The following EVL variants were observed in gnomAD, a reference collection of about 807,000 sequenced individuals.
The protein encoded by EVL is Enah/Vasp-like, also known as ena/VASP-like protein.
Under a neutral mutation model 59.6 loss-of-function variants are expected in EVL, and 21 were observed. The ratio of observed to expected loss-of-function variants is 0.35; its 90% CI spans 0.25 to 0.51. The LOEUF (loss-of-function observed/expected upper bound fraction) is 0.51, where lower values mean the gene tolerates loss of function less well. Ranked by LOEUF, EVL falls within the 20% of genes least tolerant of loss-of-function variation. The pLI is 0.97. For synonymous variants in EVL, 198 were observed against 203.5 expected, an observed-to-expected ratio of 0.97 and a Z score of 0.23; for missense variants, 462 against 546.6, an observed-to-expected ratio of 0.85 and a Z score of 1.54.
chr14:100,077,758 G>A (rs552777889), intron 1 of EVL, among the ~76,000 whole-genome samples: 2 of 152,242 alleles, frequency 1.3e-5, no homozygotes, highest in South Asian at 2.1e-4. Flanking sequence ...CTCTTACAGT[G>A]CATACAGTTT....
intron 2 of EVL, among the ~76,000 whole-genome samples, chr14:100,091,312 T>C (rs2062559331): frequency 6.6e-6 from 1 of 152,200 alleles, no homozygotes. Context: ...TCAGAATGGG[T>C]TCCGCCCCAT....
At chr14:100,051,594 G>A (rs2061648512) in intron 1 of EVL, among the ~76,000 whole-genome samples, 1 of 152,148 alleles carries the variant, frequency 6.6e-6, no homozygotes, top group Non-Finnish European at 1.5e-5. Context: ...GCTATCTTGT[G>A]TGGACTGCGT....
chr14:100,007,819 G>A (rs1214396348), intron 1 of EVL, among the ~76,000 whole-genome samples: 2 of 151,576 alleles, frequency 1.3e-5, no homozygotes, highest in Admixed American at 6.6e-5. Context: ...GACAGAGAGA[G>A]AAAGAGAAAG....
intron 2 of EVL, among the ~76,000 whole-genome samples, chr14:100,095,935 C>T (rs906200785): frequency 2.0e-5 from 3 of 152,126 alleles, no homozygotes; most frequent in Non-Finnish European, 2.9e-5. Flanking sequence ...GCCATATTGG[C>T]CAGGCTGATC....
chr14:99,996,335 A>G (rs1422739302), intron 1 of EVL, among the ~76,000 whole-genome samples: 3 of 152,042 alleles, frequency 2.0e-5, no homozygotes, highest in Non-Finnish European at 4.4e-5. Context: ...ATTCATCTCC[A>G]TAGGGGAAGG....
intron 1 of EVL, among the ~76,000 whole-genome samples, chr14:100,046,964 A>C (rs1041369217): frequency 1.3e-5 from 2 of 151,374 alleles, no homozygotes; most frequent in Non-Finnish European, 3.0e-5. Context: ...CATGTTAGCC[A>C]GGATGGTCTT....
intron 1 of EVL, among the ~76,000 whole-genome samples, chr14:100,002,597 A>C (rs916601959): frequency 1.3e-5 from 2 of 152,234 alleles, no homozygotes; most frequent in African/African-American, 4.8e-5. Context: ...TATAATTTTT[A>C]AACCAAATAA....
chr14:100,049,642 GATATA>G (rs773228110), intron 1 of EVL, among the ~76,000 whole-genome samples: 10 of 152,118 alleles, frequency 6.6e-5, no homozygotes, highest in Non-Finnish European at 1.5e-4. Flanking sequence ...TCTTTATTGA[GATATA>G]ATATACATAC....
At chr14:100,003,160 A>G (rs59754977) in intron 1 of EVL, among the ~76,000 whole-genome samples, 14,181 of 152,150 alleles carry the variant, frequency 0.093, 767 homozygotes, top group African/African-American at 0.14. Context: ...CTCTTCCACT[A>G]TAGTCCCTGG....
intron 2 of EVL, among the ~76,000 whole-genome samples, chr14:100,090,641 T>C (rs904192275): frequency 2.6e-5 from 4 of 152,234 alleles, no homozygotes; most frequent in Non-Finnish European, 5.9e-5. Flanking sequence ...GCAAGATTGA[T>C]TTAATGGAAT....
intron 1 of EVL, among the ~76,000 whole-genome samples, chr14:100,058,419 G>C (rs969985042): frequency 2.0e-5 from 3 of 152,158 alleles, no homozygotes; most frequent in Non-Finnish European, 4.4e-5. Flanking sequence ...TTATTCATAT[G>C]ATCACCACTT....
chr14:100,114,226 A>G lies in EVL; in HGVS notation c.359-9313A>G, dbSNP rs1339941214. Among the ~76,000 whole-genome samples, 1 of 152,090 alleles carries G rather than the reference A, an allele frequency of 6.6e-6. No individual in the cohort carries two copies. Among genetic ancestry groups the G allele is most frequent in the African/African-American group, 2.4e-5 (1 of 41,422 alleles). On this transcript the variant is annotated intron_variant, in intron 3 of 13. Transcript: ENST00000392920. The surrounding 1 kb of genome is among the most constrained non-coding windows in gnomAD (Gnocchi z 5.0). Reference sequence around the variant, plus strand: ...GAGCGGGTGCCAACTTGGTTTTCCCATACCAAAGTTTGGGGTGGTGCCAAA... The same window carrying G: ...GAGCGGGTGCCAACTTGGTTTTCCCGTACCAAAGTTTGGGGTGGTGCCAAA...
intron 1 of EVL, among the ~76,000 whole-genome samples, chr14:100,075,887 C>T (rs555051444): frequency 6.6e-6 from 1 of 152,288 alleles, no homozygotes; most frequent in East Asian, 1.9e-4. Context: ...ATAACTCCTC[C>T]TACAAAGCCT....
At chr14:100,112,720 G>A (rs1186689419) in intron 3 of EVL, among the ~76,000 whole-genome samples, 2 of 152,164 alleles carry the variant, frequency 1.3e-5, no homozygotes, top group African/African-American at 4.8e-5. Context: ...CTTATACCAC[G>A]TAATCGCAGA....
chr14:100,144,152 G>A lies in EVL; in HGVS notation c.*414G>A, dbSNP rs1443247712. On this transcript the variant is annotated 3_prime_UTR_variant, in exon 14 of 14. Transcript: ENST00000392920. Reference sequence around the variant, plus strand: ...CGCAGAGCTGTCCAGGCACAGCTCCGTCCCCAGCGCTCATGGTGTTGAAAC... The same window carrying A: ...CGCAGAGCTGTCCAGGCACAGCTCCATCCCCAGCGCTCATGGTGTTGAAAC... The A allele has an allele frequency of 5.5e-5, 12 of 219,002 alleles. No homozygotes were observed. Among genetic ancestry groups the A allele is most frequent in the Admixed American group, 2.1e-4 (4 of 18,966 alleles). 13.6% of individuals were successfully genotyped at this position (219,002 alleles called of 1,614,324 possible).
intron 4 of EVL, among the ~76,000 whole-genome samples, chr14:100,125,065 TG>T (rs1472232316): frequency 2.4e-5 from 3 of 122,882 alleles, no homozygotes; most frequent in African/African-American, 1.0e-4. Flanking sequence ...CACACACACC[TG>T]CTCCACGGTG....
intron 1 of EVL, among the ~76,000 whole-genome samples, chr14:100,028,041 G>A (rs1172885212): frequency 6.6e-6 from 1 of 151,944 alleles, no homozygotes; most frequent in Non-Finnish European, 1.5e-5. Context: ...AGTCTCTTCA[G>A]TATACCAATT....
intron 3 of EVL, among the ~76,000 whole-genome samples, chr14:100,122,844 C>A (rs1025320283): frequency 2.6e-5 from 4 of 152,214 alleles, no homozygotes; most frequent in African/African-American, 9.6e-5. Flanking sequence ...GTCTGCACAG[C>A]AGACTTCGCC....
chr14:100,117,503 G>A (rs1157186885), intron 3 of EVL, among the ~76,000 whole-genome samples: 1 of 152,208 alleles, frequency 6.6e-6, no homozygotes, highest in African/African-American at 2.4e-5. Context: ...CTCTGTGGAG[G>A]GCTTTAGAGT....
Sources: allele counts gnomAD v4.1 joint callset (sites outside exome capture counted in the v4.1 genomes callset), GRCh38; gene constraint gnomAD v4.1.1; non-coding constraint Gnocchi (gnomAD v3.1); transcripts MANE v1.5; gene names NCBI Gene and HGNC (gene_info 2026-07-23, HGNC 2026-07-21).